Variants in SNX13 observed in about 807,000 individuals in gnomAD.
SNX13 encodes sorting nexin 13, also known as sorting nexin-13.
SNX13 carries 45 observed loss-of-function variants against 133.6 expected under a neutral mutation model. That is an observed-to-expected ratio of 0.34 (90% CI 0.27 to 0.43). The LOEUF is 0.43. SNX13 is among the 20% of genes least tolerant of loss of function. The probability of loss-of-function intolerance (pLI) is 1.00; values close to 1 mark genes in which losing one functional copy is unlikely to be tolerated. For missense variants in SNX13, 1,032 were observed against 1,145.1 expected (o/e 0.90, Z 1.43); for synonymous variants, 414 against 373.9 (o/e 1.11, Z -1.24).
chr7:17,792,183 T>G lies in SNX13; in HGVS notation c.*1862A>C, dbSNP rs1031834609. 1.3e-5 allele frequency: 2 copies of G among 152,016 alleles called. No individual in the cohort carries two copies. The highest frequency in any genetic ancestry group is 3.9e-4 in the East Asian group (2 of 5,182). The allele number at this position is 152,016 out of a possible 1,614,324, so 9.4% of individuals were successfully genotyped here. A position where few individuals can be genotyped will look rare whatever the true frequency, so the allele number is the denominator to read the frequency against. ...GGGCAGAGGCATATATGAAAATCAC[T>G]GCACTTATGGCCATGCTGATGCTTC... On this transcript the variant is annotated 3_prime_UTR_variant, in exon 26 of 26. Coordinates refer to ENST00000428135, the MANE Select transcript of SNX13 (RefSeq NM_015132.5).
chr7:17,797,673 G>C (rs1583442487), intron 24 of SNX13, among the ~76,000 whole-genome samples: 1 of 151,736 alleles, frequency 6.6e-6, no homozygotes, highest in Non-Finnish European at 1.5e-5. Flanking sequence ...CTGGACATGG[G>C]ATCTAGGCAT....
chr7:17,834,256 C>A (rs1403678066), intron 14 of SNX13, 72 bp from the exon 15 acceptor site: 1 of 1,317,820 alleles, frequency 7.6e-7, no homozygotes, highest in South Asian at 1.8e-5. Flanking sequence ...CACAATTTCA[C>A]CAAAAGACAC....
chr7:17,839,450 T>A (rs1211993980), intron 13 of SNX13, among the ~76,000 whole-genome samples: 1 of 151,944 alleles, frequency 6.6e-6, no homozygotes, highest in Non-Finnish European at 1.5e-5. Context: ...AATGTACATA[T>A]GTTTAATACA....
intron 1 of SNX13, among the ~76,000 whole-genome samples, chr7:17,934,645 A>G (rs983921331): frequency 2.0e-5 from 3 of 152,234 alleles, no homozygotes; most frequent in African/African-American, 4.8e-5. Flanking sequence ...CATACATGTG[A>G]TAAGTGGTTA....
chr7:17,864,672 A>G (rs892089594), intron 9 of SNX13, among the ~76,000 whole-genome samples: 1 of 152,178 alleles, frequency 6.6e-6, no homozygotes, highest in African/African-American at 2.4e-5. Flanking sequence ...AAAAACACCA[A>G]TAAAATTCAA....
In SNX13 at chr7:17,821,603, G is replaced by T. The variant is rs371529788; in HGVS notation, c.1751C>A (p.Thr584Asn). ...HGKTYALYAI[T>N]VHRRNLNSEE... Reference sequence around the variant, plus strand: ...ACTGTTTAGGTTGCGCCGGTGTACAGTGATGGCATATAATGCATATGTCTT... The same window carrying T: ...ACTGTTTAGGTTGCGCCGGTGTACATTGATGGCATATAATGCATATGTCTT... The change falls in exon 18 of 26, where the codon ACT becomes AAT. Residue 584 changes from threonine (T) to asparagine (N), a missense_variant. Physicochemically the swap from Thr to Asn is moderately conservative, Grantham distance 65 (BLOSUM62 0). Transcript: ENST00000428135. 1 of 1,613,672 alleles carries T rather than the reference G, an allele frequency of 6.2e-7. No individual in the cohort carries two copies. Among genetic ancestry groups the T allele is most frequent in the South Asian group, 1.1e-5 (1 of 91,064 alleles).
chr7:17,854,643 T>A (rs187668941), intron 9 of SNX13, among the ~76,000 whole-genome samples: 1 of 152,344 alleles, frequency 6.6e-6, no homozygotes, highest in East Asian at 1.9e-4. Context: ...ATCTTTGATA[T>A]TATTGTTTTG....
chr7:17,801,192 A>G, intron 22 of SNX13, among the ~76,000 whole-genome samples: 1 of 151,566 alleles, frequency 6.6e-6, no homozygotes, highest in East Asian at 1.9e-4. Context: ...GGAATACTAT[A>G]AAGCCACAAG....
intron 12 of SNX13, among the ~76,000 whole-genome samples, chr7:17,845,177 CGAAT>C (rs968351867): frequency 4.6e-5 from 7 of 151,238 alleles, no homozygotes; most frequent in African/African-American, 9.7e-5. Context: ...CACACACACA[CGAAT>C]ATTATTCAGC....
At chr7:17,874,107 C>T (rs1794421725) in intron 7 of SNX13, among the ~76,000 whole-genome samples, 1 of 152,174 alleles carries the variant, frequency 6.6e-6, no homozygotes, top group Non-Finnish European at 1.5e-5. Flanking sequence ...TATTGCACAT[C>T]AGTATATCTA....
chr7:17,805,250 T>TGTGTGTGTGTGTGCGCGCGC, intron 20 of SNX13, among the ~76,000 whole-genome samples: 51 of 95,590 alleles, frequency 5.3e-4, no homozygotes, highest in African/African-American at 1.2e-3. Context: ...TGTGTGTGTG[T>TGTGTGTGTGTGTGCGCGCGC]GCGTGCGCGC....
chr7:17,843,379 TACA>T (rs1460250192), intron 12 of SNX13, among the ~76,000 whole-genome samples: 3 of 151,924 alleles, frequency 2.0e-5, no homozygotes, highest in Admixed American at 6.6e-5. Flanking sequence ...AACAAAATAA[TACA>T]ACAATTATAA....
chr7:17,829,846 C>T (rs573560478), intron 16 of SNX13, among the ~76,000 whole-genome samples, 164 bp downstream of exon 16: 7 of 150,978 alleles, frequency 4.6e-5, no homozygotes, highest in African/African-American at 1.4e-4. Flanking sequence ...TTCATAGATG[C>T]CTTATATGTG....
At chr7:17,883,954 T>C (rs1271092798) in intron 5 of SNX13, among the ~76,000 whole-genome samples, 1 of 152,174 alleles carries the variant, frequency 6.6e-6, no homozygotes, top group Non-Finnish European at 1.5e-5. Flanking sequence ...TTTATTTGCA[T>C]TTTGTCCGTA....
rs187756001 is a variant in SNX13, at chr7:17,931,853, T to C, written c.12+8431A>G. On this transcript the variant is annotated intron_variant, in intron 1 of 25. Transcript: ENST00000428135. ...GCAGAATCATCTTATTGAACTTTTC[T>C]GGTATATATTATTTCTGAATATACA... Among the ~76,000 whole-genome samples the C allele has an allele frequency of 2.6e-4, 39 of 152,352 alleles. 1 individual carries two copies. Among genetic ancestry groups the C allele is most frequent in the Admixed American group, 1.7e-3 (26 of 15,302 alleles).
chr7:17,929,456 T>C (rs1288765990), intron 1 of SNX13, among the ~76,000 whole-genome samples: 1 of 152,136 alleles, frequency 6.6e-6, no homozygotes, highest in Non-Finnish European at 1.5e-5. Flanking sequence ...TTATTTGTAA[T>C]ACCTTAGCCC....
Position 17,803,537 on chromosome 7 carries a change from A to G in SNX13, c.2108T>C (p.Val703Ala). 1 of 1,611,762 alleles carries G rather than the reference A, an allele frequency of 6.2e-7. No individual in the cohort carries two copies. Among genetic ancestry groups the G allele is most frequent in the South Asian group, 1.1e-5 (1 of 90,482 alleles). The change falls in exon 21 of 26, where the codon GTT becomes GCT. Residue 703 changes from valine (V) to alanine (A), a missense_variant. Coordinates refer to ENST00000428135, the MANE Select transcript of SNX13 (RefSeq NM_015132.5). ...AGGAAGGGATTTAACTGCATTTGAA[A>G]CATTCCTCATTGAATTGCGAAGTGG... ...VNPLRNSMRN[V>A]SNAVKSLPDS...
At chr7:17,794,960 G>C (rs988336758) in intron 25 of SNX13, 1 of 151,676 alleles carries the variant, frequency 6.6e-6, no homozygotes, top group Non-Finnish European at 1.5e-5. Context: ...GGAAGTGGCA[G>C]GTAAAGGAGA....
chr7:17,858,097 G>A (rs747492065), intron 9 of SNX13, among the ~76,000 whole-genome samples: 3 of 151,984 alleles, frequency 2.0e-5, no homozygotes, highest in Non-Finnish European at 4.4e-5. Flanking sequence ...AAAGCTAAAA[G>A]CTTTTCCTTT....
Sources: gnomAD v4.1 joint callset for allele counts (sites outside exome capture counted in the v4.1 genomes callset) on GRCh38, gnomAD v4.1.1 for gene constraint, MANE v1.5 for transcripts, NCBI Gene and HGNC (gene_info 2026-07-23, HGNC 2026-07-21) for gene names.